The following OR2L13 variants were observed in gnomAD, a reference collection of about 807,000 sequenced individuals.
The protein encoded by OR2L13 is olfactory receptor family 2 subfamily L member 13, also known as olfactory receptor 2L13.
In OR2L13, 14 loss-of-function variants were observed where a neutral mutation model predicts 15.3. The ratio of observed to expected loss-of-function variants is 0.91; its 90% confidence interval spans 0.60 to 1.43. The LOEUF (loss-of-function observed/expected upper bound fraction) is 1.43, where lower values mean the gene tolerates loss of function less well. Among genes scored for constraint, OR2L13 ranks in the 40% most tolerant of loss-of-function variants. The probability of loss-of-function intolerance (pLI) is 0.00; values close to 1 mark genes in which losing one functional copy is unlikely to be tolerated. For missense variants in OR2L13, 367 were observed against 387.9 expected (o/e 0.95, Z 0.45); for synonymous variants, 152 against 142.9 (o/e 1.06, Z -0.45).
chr1:248,092,491 C>G (rs1350451891), upstream of OR2L13, among the ~76,000 whole-genome samples: 4 of 152,110 alleles, frequency 2.6e-5, no homozygotes, highest in Admixed American at 2.6e-4. Flanking sequence ...TATAACTGAA[C>G]AGCACCATCA....
At chr1:248,086,138 T>G in the OR2L13 span, among the ~76,000 whole-genome samples, 3 of 152,220 alleles carry the variant, frequency 2.0e-5, no homozygotes, top group Non-Finnish European at 4.4e-5. Context: ...TTTAGATCAT[T>G]TTATGTTGCC....
At chr1:247,966,336 T>C in the OR2L13 span, 1 of 1,607,770 alleles carries the variant, frequency 6.2e-7, no homozygotes, top group Non-Finnish European at 8.5e-7. Flanking sequence ...GATCTCTGTA[T>C]TGATTGAGCA....
the OR2L13 span, among the ~76,000 whole-genome samples, chr1:248,016,330 A>T: frequency 6.6e-6 from 1 of 152,192 alleles, no homozygotes; most frequent in East Asian, 1.9e-4. Flanking sequence ...TAAGTGAATT[A>T]TTCCAACAGA....
chr1:248,028,881 T>C, the OR2L13 span, among the ~76,000 whole-genome samples: 3 of 152,226 alleles, frequency 2.0e-5, no homozygotes, highest in Non-Finnish European at 2.9e-5. Flanking sequence ...TCAGCACATA[T>C]AGGTTTTGAG....
At chr1:247,999,744 A>G in the OR2L13 span, among the ~76,000 whole-genome samples, 267 of 152,260 alleles carry the variant, frequency 1.8e-3, 3 homozygotes, top group African/African-American at 5.8e-3. Flanking sequence ...AGTGCTGTCA[A>G]TGTGAAATAA....
the OR2L13 span, among the ~76,000 whole-genome samples, chr1:247,992,053 G>GT: frequency 6.1e-5 from 9 of 148,726 alleles, 1 homozygote; most frequent in Non-Finnish European, 1.0e-4. Flanking sequence ...CTTACATGTG[G>GT]TTTTTTTTCT....
the OR2L13 span, among the ~76,000 whole-genome samples, chr1:248,074,911 T>C: frequency 4.6e-5 from 7 of 152,206 alleles, no homozygotes; most frequent in African/African-American, 1.7e-4. Flanking sequence ...TTAGGGTATA[T>C]GTGCACAATG....
chr1:248,098,115 CTTTG>C (rs966541774), intron 1 of OR2L13, among the ~76,000 whole-genome samples: 93 of 152,252 alleles, frequency 6.1e-4, no homozygotes, highest in African/African-American at 2.2e-3. Flanking sequence ...TTTTGAATTC[CTTTG>C]TTTAATCCAA....
chr1:248,039,983 T>C, the OR2L13 span: 2 of 152,222 alleles, frequency 1.3e-5, no homozygotes, highest in Non-Finnish European at 2.9e-5. Flanking sequence ...CCTCTTAGAC[T>C]ATAGTTGACT....
chr1:248,086,841 T>A, the OR2L13 span, among the ~76,000 whole-genome samples: 22,270 of 151,124 alleles, frequency 0.15, 3,109 homozygotes, highest in African/African-American at 0.37. Flanking sequence ...ATCTTTTTAT[T>A]TATTTTTCCA....
chr1:247,953,289 G>C, the OR2L13 span, among the ~76,000 whole-genome samples: 9 of 151,936 alleles, frequency 5.9e-5, no homozygotes, highest in Admixed American at 1.3e-4. Flanking sequence ...GTTATGCTGT[G>C]GTTATTATTT....
At chr1:248,038,986 G>A in the OR2L13 span, 5 of 1,613,944 alleles carry the variant, frequency 3.1e-6, no homozygotes, top group Non-Finnish European at 3.4e-6. Context: ...TATTCAACCT[G>A]TAGCACCCAC....
At chr1:248,089,858 G>A in the OR2L13 span, among the ~76,000 whole-genome samples, 5 of 152,274 alleles carry the variant, frequency 3.3e-5, no homozygotes, top group African/African-American at 1.2e-4. Context: ...GTTTTCTGCT[G>A]ACTCTAATTT....
At chr1:247,944,029 G>T in the OR2L13 span, among the ~76,000 whole-genome samples, 2 of 152,048 alleles carry the variant, frequency 1.3e-5, no homozygotes, top group African/African-American at 4.8e-5. Flanking sequence ...GTTTTCCTCT[G>T]TTGGGCTATA....
chr1:247,970,264 C>T, the OR2L13 span, among the ~76,000 whole-genome samples: 1 of 152,002 alleles, frequency 6.6e-6, no homozygotes, highest in Non-Finnish European at 1.5e-5. Flanking sequence ...ATGACATTTG[C>T]CTGTCAATTA....
At chr1:248,072,836 A>G in the OR2L13 span, among the ~76,000 whole-genome samples, 1 of 152,230 alleles carries the variant, frequency 6.6e-6, no homozygotes, top group African/African-American at 2.4e-5. Flanking sequence ...GACATTTCTC[A>G]AAAGAAGACG....
At chr1:248,020,846 C>T in the OR2L13 span, among the ~76,000 whole-genome samples, 1 of 150,822 alleles carries the variant, frequency 6.6e-6, no homozygotes, top group Non-Finnish European at 1.5e-5. Context: ...GGTACATGTG[C>T]ACAACATGCT....
chr1:247,988,419 T>A, the OR2L13 span, among the ~76,000 whole-genome samples: 6 of 152,182 alleles, frequency 3.9e-5, no homozygotes, highest in African/African-American at 1.4e-4. Context: ...ATTTATTTTG[T>A]GGATTTCATA....
chr1:248,013,058 G>A, the OR2L13 span, among the ~76,000 whole-genome samples: 1 of 151,478 alleles, frequency 6.6e-6, no homozygotes, highest in South Asian at 2.1e-4. Context: ...AATTTAATGG[G>A]TATTTCTAGA....
Sources: allele counts gnomAD v4.1 joint callset (sites outside exome capture counted in the v4.1 genomes callset), GRCh38; gene constraint gnomAD v4.1.1; transcripts MANE v1.5; gene names NCBI Gene and HGNC (gene_info 2026-07-23, HGNC 2026-07-21).